The following TEX2 variants were observed in gnomAD, a reference collection of about 807,000 sequenced individuals.
TEX2 encodes the protein testis-expressed protein 2.
TEX2 carries 53 observed loss-of-function variants against 106.9 expected under a neutral mutation model. The ratio of observed to expected loss-of-function variants is 0.50; its 90% CI spans 0.40 to 0.62. TEX2 has a LOEUF of 0.62. TEX2 is among the 20% of genes least tolerant of loss of function. The pLI is 0.00. For missense variants in TEX2, 1,207 were observed against 1,379.0 expected (o/e 0.88, Z 1.98); for synonymous variants, 523 against 534.8 (o/e 0.98, Z 0.30).
chr17:64,180,808 C>G (rs2031823257), intron 5 of TEX2, among the ~76,000 whole-genome samples: 1 of 152,228 alleles, frequency 6.6e-6, no homozygotes, highest in South Asian at 2.1e-4. Flanking sequence ...TAAAACTAAC[C>G]TCTAAAACTA....
chr17:64,209,217 T>G (rs192016385), intron 2 of TEX2, among the ~76,000 whole-genome samples: 9 of 152,342 alleles, frequency 5.9e-5, no homozygotes, highest in Non-Finnish European at 1.3e-4. Context: ...TACCATAGTT[T>G]AAAAACGGTT....
rs774838689 is a variant in TEX2, at chr17:64,153,124, A to G, written c.2961T>C (p.Ile987=). The change falls in exon 10 of 12, where the codon ATT becomes ATC. Residue 987 remains isoleucine, a synonymous_variant. Coordinates refer to ENST00000584379, the MANE Select transcript of TEX2 (RefSeq NM_001288732.2). This position sits in a 1 kb window ranked among gnomAD's most constrained non-coding sequence, Gnocchi z 4.1. ...GYVGGHRTSK[I]MRFVDKITKS... ...TGGTAATTTTATCAACAAACCTCAT[A>G]ATCTTACTTGTTCGATGACCTCCAA... 3.1e-6 allele frequency: 5 copies of G among 1,613,886 alleles called. No homozygotes were observed. In the East Asian group the frequency reaches 8.9e-5, roughly 29 times the overall value.
intron 4 of TEX2, among the ~76,000 whole-genome samples, chr17:64,190,960 G>A (rs928372827): frequency 3.3e-5 from 5 of 152,176 alleles, no homozygotes; most frequent in Non-Finnish European, 7.3e-5. Context: ...GATGTACCTG[G>A]CCTCAGAGAA....
intron 5 of TEX2, among the ~76,000 whole-genome samples, chr17:64,184,017 C>T (rs112339249): frequency 6.6e-6 from 1 of 152,184 alleles, no homozygotes; most frequent in Non-Finnish European, 1.5e-5. Context: ...TCCTTGATGA[C>T]TAATGATACT....
At chr17:64,258,683 T>C (rs543220699) in intron 1 of TEX2, among the ~76,000 whole-genome samples, 1 of 152,176 alleles carries the variant, frequency 6.6e-6, no homozygotes, top group East Asian at 1.9e-4. Context: ...ATTCTTAGAA[T>C]CATAAACTCA....
chr17:64,212,944 T>G lies in TEX2; in HGVS notation c.1274A>C (p.Asp425Ala). ...CTCCCCCTCCGTTTCCAAATCGAAG[T>G]CCTCAGTGTACAGTTCACAAAACTC... ...DEEFCELYTE[D>A]FDLETEGESK... The change falls in exon 2 of 12, where the codon GAC becomes GCC. Residue 425 changes from aspartate (D) to alanine (A), a missense_variant. Transcript: ENST00000584379. 1 of 1,614,218 alleles carries G rather than the reference T, an allele frequency of 6.2e-7. No homozygotes were observed. The highest frequency in any genetic ancestry group is 2.2e-5 in the East Asian group (1 of 44,886).
chr17:64,244,010 T>C (rs2033940971), intron 1 of TEX2, among the ~76,000 whole-genome samples: 2 of 152,094 alleles, frequency 1.3e-5, no homozygotes, highest in African/African-American at 4.8e-5. Context: ...GGTTTCACTA[T>C]GTTGGCCAGG....
chr17:64,193,415 G>A, intron 4 of TEX2, 144 bp downstream of exon 4: 1 of 597,302 alleles, frequency 1.7e-6, no homozygotes, highest in Admixed American at 3.3e-5. Context: ...TGGTAAATGA[G>A]TCATGAGAAT....
At chr17:64,222,624 T>A (rs980767634) in intron 1 of TEX2, among the ~76,000 whole-genome samples, 3 of 151,810 alleles carry the variant, frequency 2.0e-5, no homozygotes, top group Admixed American at 1.3e-4. Context: ...ATCACTATTT[T>A]AAAAAATAAA....
At chr17:64,172,800 C>A (rs569941251) in intron 6 of TEX2, among the ~76,000 whole-genome samples, 1 of 152,306 alleles carries the variant, frequency 6.6e-6, no homozygotes, top group East Asian at 1.9e-4. Flanking sequence ...GTGCCATCTG[C>A]TTCCTGCTGG....
chr17:64,180,260 C>T (rs528623857), intron 5 of TEX2, among the ~76,000 whole-genome samples: 2 of 152,298 alleles, frequency 1.3e-5, no homozygotes, highest in South Asian at 2.1e-4. Flanking sequence ...GAGCATCTAC[C>T]CTTTATTAGC....
At chr17:64,215,612 T>C (rs1226261123) in intron 1 of TEX2, among the ~76,000 whole-genome samples, 1 of 152,150 alleles carries the variant, frequency 6.6e-6, no homozygotes, top group Non-Finnish European at 1.5e-5. Flanking sequence ...CTGTGGGACT[T>C]TGAACAAGCC....
chr17:64,189,995 A>AAAAGAAAG (rs57599304), intron 4 of TEX2, among the ~76,000 whole-genome samples: 1 of 150,236 alleles, frequency 6.7e-6, no homozygotes, highest in African/African-American at 2.5e-5. Flanking sequence ...AAAAAAAAAA[A>AAAAGAAAG]AAAGAAAGAA....
At chr17:64,259,731 G>A (rs1450590183) in intron 1 of TEX2, among the ~76,000 whole-genome samples, 1 of 152,134 alleles carries the variant, frequency 6.6e-6, no homozygotes, top group Non-Finnish European at 1.5e-5. Context: ...CTGTTATTGG[G>A]TGCTCACTAG....
intron 9 of TEX2, 86 bp downstream of exon 9, chr17:64,154,756 G>A: frequency 7.2e-7 from 1 of 1,391,728 alleles, no homozygotes; most frequent in Non-Finnish European, 9.5e-7. Flanking sequence ...GAAGATCACA[G>A]AGGAAGGAAG....
chr17:64,236,540 AAATT>A (rs1467144827), intron 1 of TEX2, among the ~76,000 whole-genome samples: 1 of 152,212 alleles, frequency 6.6e-6, no homozygotes, highest in Non-Finnish European at 1.5e-5. Flanking sequence ...CTGTCTCAAA[AAATT>A]AATTAATTTA....
chr17:64,196,896 A>T (rs1555629379), intron 2 of TEX2, among the ~76,000 whole-genome samples: 1 of 150,606 alleles, frequency 6.6e-6, no homozygotes, highest in Non-Finnish European at 1.5e-5. Flanking sequence ...TCCTAACTCC[A>T]TGTTCAGTGA....
chr17:64,157,710 C>T (rs987206904), intron 8 of TEX2, among the ~76,000 whole-genome samples: 1 of 152,264 alleles, frequency 6.6e-6, no homozygotes, highest in South Asian at 2.1e-4. Flanking sequence ...CATGTGCATA[C>T]ACACCCACAA....
At chr17:64,223,952 T>A (rs1555633591) in intron 1 of TEX2, among the ~76,000 whole-genome samples, 1 of 152,174 alleles carries the variant, frequency 6.6e-6, no homozygotes. Context: ...TAACACAGCA[T>A]CTGAAGGGGC....
Sources: allele counts gnomAD v4.1 joint callset (sites outside exome capture counted in the v4.1 genomes callset), GRCh38; gene constraint gnomAD v4.1.1; non-coding constraint Gnocchi (gnomAD v3.1); transcripts MANE v1.5; gene names NCBI Gene and HGNC (gene_info 2026-07-23, HGNC 2026-07-21).